The following CNTLN variants were observed in gnomAD, a reference collection of about 807,000 sequenced individuals.
CNTLN encodes the protein centlein, also known as centlein, centrosomal protein.
In CNTLN, 212 loss-of-function variants were observed where a neutral mutation model predicts 180.0. That is an observed-to-expected ratio of 1.18 (90% CI 1.05 to 1.32). The LOEUF is 1.32. Among genes scored for constraint, CNTLN ranks in the 40% most tolerant of loss-of-function variants. The pLI is 0.00. For synonymous variants in CNTLN, 722 were observed against 563.1 expected (o/e 1.28, Z -3.99); for missense variants, 2,095 against 1,610.9 (o/e 1.30, Z -5.14).
At chr9:17,178,373 G>A (rs1411308110) in intron 2 of CNTLN, among the ~76,000 whole-genome samples, 4 of 152,226 alleles carry the variant, frequency 2.6e-5, no homozygotes, top group African/African-American at 4.8e-5. Context: ...CACCCGGGCC[G>A]CAGGTGGAGC....
intron 23 of CNTLN, among the ~76,000 whole-genome samples, chr9:17,475,898 G>C (rs149403081): frequency 6.6e-6 from 1 of 151,118 alleles, no homozygotes; most frequent in African/African-American, 2.4e-5. Flanking sequence ...AAAGAAGATA[G>C]GATGTAGCTG....
At chr9:17,461,347 AT>A (rs1264540514) in intron 19 of CNTLN, among the ~76,000 whole-genome samples, 1 of 151,696 alleles carries the variant, frequency 6.6e-6, no homozygotes, top group African/African-American at 2.4e-5. Context: ...GGAACATGTT[AT>A]TCAGGCAGTG....
intron 5 of CNTLN, among the ~76,000 whole-genome samples, chr9:17,241,514 G>C (rs927068894): frequency 3.3e-5 from 5 of 151,898 alleles, no homozygotes; most frequent in African/African-American, 1.2e-4. Context: ...TGTTCTTTTT[G>C]CTCAGGATAG....
intron 16 of CNTLN, among the ~76,000 whole-genome samples, chr9:17,414,309 G>T (rs942782973): frequency 1.3e-5 from 2 of 152,086 alleles, no homozygotes; most frequent in Non-Finnish European, 2.9e-5. Flanking sequence ...AAGTGTGTTT[G>T]TTTCATAGCA....
chr9:17,137,784 C>T (rs1248613566), intron 1 of CNTLN, among the ~76,000 whole-genome samples: 3 of 152,112 alleles, frequency 2.0e-5, no homozygotes, highest in African/African-American at 7.2e-5. Context: ...TTGAGTAATT[C>T]CCCATACCAT....
chr9:17,186,817 T>C (rs1194498821), intron 2 of CNTLN, among the ~76,000 whole-genome samples: 1 of 152,168 alleles, frequency 6.6e-6, no homozygotes, highest in Non-Finnish European at 1.5e-5. Context: ...TCATATTTAA[T>C]ATAAATATTA....
intron 5 of CNTLN, among the ~76,000 whole-genome samples, chr9:17,250,093 C>T (rs1057408471): frequency 1.3e-5 from 2 of 151,504 alleles, no homozygotes; most frequent in African/African-American, 2.4e-5. Context: ...ATTGTTATAA[C>T]TTCTCGATAA....
Position 17,135,179 on chromosome 9 carries a change from C to G in CNTLN, c.114C>G (p.Ala38=), listed in dbSNP as rs201712071. The G allele has an allele frequency of 3.1e-4, 504 of 1,610,550 alleles. 2 individuals are homozygous for G. The East Asian group carries it at 4.9e-3, about 16-fold the overall frequency. The change falls in exon 1 of 26, where the codon GCC becomes GCG. Residue 38 remains alanine, a synonymous_variant. Transcript: ENST00000380647. Reference sequence around the variant, plus strand: ...AAGTACACGCAATGCGCAGCGAGGCCTCGGGTTTTGCCGGCGCAGCGCGGG... The same window carrying G: ...AAGTACACGCAATGCGCAGCGAGGCGTCGGGTTTTGCCGGCGCAGCGCGGG... ...GAEVHAMRSE[A]SGFAGAAREV... is the part of the protein sequence containing the mutation.
chr9:17,197,676 T>A (rs1005821519), intron 2 of CNTLN, among the ~76,000 whole-genome samples: 5 of 152,236 alleles, frequency 3.3e-5, no homozygotes, highest in African/African-American at 1.2e-4. Flanking sequence ...TGTCTCCTAT[T>A]CTGTGGCGTG....
intron 7 of CNTLN, chr9:17,301,758 T>C: frequency 1.0e-6 from 1 of 963,216 alleles, no homozygotes; most frequent in Non-Finnish European, 1.2e-6. Context: ...TAGTAGACAT[T>C]ACAATTGTTT....
At chr9:17,497,966 C>G (rs548363607) in intron 25 of CNTLN, among the ~76,000 whole-genome samples, 1 of 152,122 alleles carries the variant, frequency 6.6e-6, no homozygotes, top group Non-Finnish European at 1.5e-5. Flanking sequence ...TCGTATCTTA[C>G]TAAGGTCTCA....
At chr9:17,270,887 A>G (rs1439187019) in intron 5 of CNTLN, among the ~76,000 whole-genome samples, 1 of 151,976 alleles carries the variant, frequency 6.6e-6, no homozygotes, top group Non-Finnish European at 1.5e-5. Context: ...GTGGGAAACA[A>G]TGAAAAGTTT....
At chr9:17,495,214 G>A (rs926618844) in intron 25 of CNTLN, among the ~76,000 whole-genome samples, 4 of 151,232 alleles carry the variant, frequency 2.6e-5, no homozygotes, top group Non-Finnish European at 4.4e-5. Context: ...ATTTTAGAGT[G>A]TACTCTTATA....
At chr9:17,311,557 C>G (rs1819135835) in intron 8 of CNTLN, among the ~76,000 whole-genome samples, 1 of 150,706 alleles carries the variant, frequency 6.6e-6, no homozygotes, top group Non-Finnish European at 1.5e-5. Flanking sequence ...CGCCTGTAAT[C>G]CCAGCACTTT....
chr9:17,158,196 A>T (rs1488805726), intron 2 of CNTLN, among the ~76,000 whole-genome samples: 2 of 152,224 alleles, frequency 1.3e-5, no homozygotes, highest in Non-Finnish European at 2.9e-5. Flanking sequence ...GTGATGTAGT[A>T]CATAAATTGA....
chr9:17,234,355 A>G (rs2132139951), intron 3 of CNTLN, among the ~76,000 whole-genome samples: 1 of 152,114 alleles, frequency 6.6e-6, no homozygotes, highest in South Asian at 2.1e-4. Flanking sequence ...AGGTGGGAGG[A>G]TCCCTTGAGT....
At chr9:17,222,885 T>A (rs1380482757) in intron 2 of CNTLN, among the ~76,000 whole-genome samples, 2 of 152,026 alleles carry the variant, frequency 1.3e-5, no homozygotes, top group African/African-American at 4.8e-5. Context: ...AATCTATAAA[T>A]GTTGAAATGT....
intron 23 of CNTLN, among the ~76,000 whole-genome samples, chr9:17,474,087 G>A (rs2441997): frequency 0.92 from 139,862 of 151,988 alleles, 65,526 homozygotes; most frequent in East Asian, 1. Context: ...ATCTATACTC[G>A]CTCTCTAGAC....
chr9:17,242,986 A>C (rs1825589118), intron 5 of CNTLN, among the ~76,000 whole-genome samples: 1 of 152,040 alleles, frequency 6.6e-6, no homozygotes, highest in African/African-American at 2.4e-5. Context: ...TTTCTGGTAG[A>C]CTTTAATAAG....
Sources: gnomAD v4.1 joint callset for allele counts (sites outside exome capture counted in the v4.1 genomes callset) on GRCh38, gnomAD v4.1.1 for gene constraint, MANE v1.5 for transcripts, NCBI Gene and HGNC (gene_info 2026-07-23, HGNC 2026-07-21) for gene names.